The following SORT1 variants were observed in gnomAD, a reference collection of about 807,000 sequenced individuals.
SORT1 encodes sortilin.
A neutral mutation model predicts 101.7 loss-of-function variants in SORT1; 39 were observed. The observed-to-expected ratio is 0.38, with a 90% CI of 0.30 to 0.50. SORT1 has a LOEUF of 0.50. Among genes scored for constraint, SORT1 ranks in the 20% least tolerant of loss-of-function variants. The probability of loss-of-function intolerance (pLI) is 0.90; values close to 1 mark genes in which losing one functional copy is unlikely to be tolerated. For missense variants in SORT1, 878 were observed against 1,040.4 expected (o/e 0.84, Z 2.15); for synonymous variants, 396 against 393.7 (o/e 1.01, Z -0.07).
chr1:109,373,533 C>A (rs1177721704), intron 1 of SORT1, among the ~76,000 whole-genome samples: 1 of 152,010 alleles, frequency 6.6e-6, no homozygotes, highest in Admixed American at 6.6e-5. Flanking sequence ...ATTCCTGTTA[C>A]CAGCAACCAT....
In SORT1 at chr1:109,397,896, C is replaced by T. The variant is rs1400305039; in HGVS notation, c.-4G>A. 1 of 1,152,746 alleles carries T rather than the reference C, an allele frequency of 8.7e-7. No homozygotes were observed. Among genetic ancestry groups the T allele is most frequent in the Non-Finnish European group, 1.1e-6 (1 of 939,150 alleles). 71.4% of individuals were successfully genotyped at this position (1,152,746 alleles called of 1,614,324 possible). On this transcript the variant is annotated 5_prime_UTR_variant, in exon 1 of 20. Coordinates refer to ENST00000256637, the MANE Select transcript of SORT1 (RefSeq NM_002959.7). ...CAGCTCCCCAGGGCCGCTCCATCGC[C>T]GCCGAATGCCGCCGACGCCGACACC...
intron 11 of SORT1, among the ~76,000 whole-genome samples, chr1:109,328,267 T>C (rs1040891089): frequency 2.0e-5 from 3 of 152,260 alleles, no homozygotes; most frequent in African/African-American, 4.8e-5. Context: ...AGAAGTGGAA[T>C]TGCTGGATAT....
intron 11 of SORT1, among the ~76,000 whole-genome samples, chr1:109,332,166 A>T (rs1047520962): frequency 5.9e-5 from 9 of 152,040 alleles, no homozygotes; most frequent in African/African-American, 2.2e-4. Flanking sequence ...GTCTTTTTTT[A>T]CTATTATATG....
chr1:109,334,326 G>A (rs1194815871), intron 11 of SORT1, among the ~76,000 whole-genome samples: 1 of 152,042 alleles, frequency 6.6e-6, no homozygotes, highest in Non-Finnish European at 1.5e-5. Context: ...ATGGATGAAT[G>A]GACAAAGAAA....
chr1:109,342,214 G>T, intron 8 of SORT1, 56 bp from the exon 9 acceptor site: 1 of 1,348,118 alleles, frequency 7.4e-7, no homozygotes, highest in Non-Finnish European at 1.1e-6. Flanking sequence ...GCCATGGGCA[G>T]GGACATGAAC....
intron 1 of SORT1, among the ~76,000 whole-genome samples, chr1:109,380,375 A>C (rs1296345747): frequency 2.0e-5 from 3 of 152,202 alleles, no homozygotes; most frequent in African/African-American, 7.2e-5. Context: ...CAAAAATCAG[A>C]ACTCATACTT....
At chr1:109,362,739 T>C (rs183597060) in intron 3 of SORT1, among the ~76,000 whole-genome samples, 3 of 152,132 alleles carry the variant, frequency 2.0e-5, no homozygotes, top group Admixed American at 1.3e-4. Flanking sequence ...ACTTTACGTG[T>C]ATAGAAGTGA....
At chr1:109,315,814 G>A (rs982652142) in intron 17 of SORT1, among the ~76,000 whole-genome samples, 2 of 146,536 alleles carry the variant, frequency 1.4e-5, no homozygotes, top group African/African-American at 2.5e-5. Context: ...CTGGAGTGCA[G>A]TGATATGATC....
intron 1 of SORT1, chr1:109,392,719 G>C (rs1652983899): frequency 1.0e-6 from 1 of 984,588 alleles, no homozygotes; most frequent in African/African-American, 1.7e-5. Flanking sequence ...CAAATCTGCT[G>C]ATACTTCTTA....
intron 11 of SORT1, among the ~76,000 whole-genome samples, chr1:109,328,477 G>C (rs751256392): frequency 2.1e-4 from 32 of 152,284 alleles, no homozygotes; most frequent in Non-Finnish European, 2.2e-4. Context: ...CTAATGATTA[G>C]TGATGCTGAG....
rs77985012 is a variant in SORT1, at chr1:109,383,948, A to G, written c.306+13639T>C. ...CAAATTTTATTTCCAGCTCTACAAA[A>G]CGCTGCGTGAAATTGGGCAGCACAA... is the stretch of plus-strand genomic sequence containing the variant. On this transcript the variant is annotated intron_variant, in intron 1 of 19. Transcript: ENST00000256637. Among the ~76,000 whole-genome samples, 556 of 152,256 alleles carry G rather than the reference A, an allele frequency of 3.7e-3. 21 individuals carry two copies. In the East Asian group the frequency reaches 0.06, roughly 17 times the overall value.
chr1:109,389,120 T>A (rs1652751099), intron 1 of SORT1, among the ~76,000 whole-genome samples: 1 of 152,224 alleles, frequency 6.6e-6, no homozygotes, highest in Admixed American at 6.5e-5. Context: ...GGGCTGTATC[T>A]ATCAGGATCA....
At chr1:109,381,493 A>C (rs1221573855) in intron 1 of SORT1, among the ~76,000 whole-genome samples, 2 of 152,258 alleles carry the variant, frequency 1.3e-5, no homozygotes, top group Non-Finnish European at 2.9e-5. Flanking sequence ...GTATTTACTG[A>C]CATTGAAAGA....
chr1:109,312,859 G>C lies in SORT1; in HGVS notation c.*1184C>G, dbSNP rs778078223. The C allele has an allele frequency of 2.6e-5, 4 of 152,184 alleles. No individual in the cohort carries two copies. Among genetic ancestry groups the C allele is most frequent in the African/African-American group, 4.8e-5 (2 of 41,442 alleles). 9.4% of individuals were successfully genotyped at this position (152,184 alleles called of 1,614,324 possible). ...ACAAAGCATCATCTAGACTGGAAGT[G>C]TGTTTTCAATTGGTTCCTCCAAAAT... On this transcript the variant is annotated 3_prime_UTR_variant, in exon 20 of 20. Transcript: ENST00000256637.
At chr1:109,319,132 C>T (rs1647447559) in intron 15 of SORT1, among the ~76,000 whole-genome samples, 1 of 152,176 alleles carries the variant, frequency 6.6e-6, no homozygotes, top group Admixed American at 6.5e-5. Context: ...TTGCAGTACA[C>T]GGCAAATTTT....
intron 1 of SORT1, among the ~76,000 whole-genome samples, chr1:109,372,049 G>C (rs535556566): frequency 6.6e-6 from 1 of 152,304 alleles, no homozygotes; most frequent in African/African-American, 2.4e-5. Flanking sequence ...ATCCAGGAGA[G>C]CTAGGGACCC....
intron 9 of SORT1, among the ~76,000 whole-genome samples, chr1:109,341,411 A>C (rs922161582): frequency 4.6e-5 from 7 of 151,856 alleles, no homozygotes; most frequent in African/African-American, 1.4e-4. Flanking sequence ...CAGTGGCACG[A>C]TCTCAGCTCA....
intron 1 of SORT1, among the ~76,000 whole-genome samples, chr1:109,377,735 A>T (rs1011910378): frequency 5.1e-4 from 77 of 152,242 alleles, no homozygotes; most frequent in African/African-American, 1.8e-3. Flanking sequence ...CTGAGATTTA[A>T]GCAGAGTTTA....
chr1:109,377,614 A>T (rs1651945846), intron 1 of SORT1, among the ~76,000 whole-genome samples: 1 of 152,192 alleles, frequency 6.6e-6, no homozygotes, highest in South Asian at 2.1e-4. Flanking sequence ...CACGTAGCTA[A>T]ACATTGGTAA....
Sources: allele counts gnomAD v4.1 joint callset (sites outside exome capture counted in the v4.1 genomes callset), GRCh38; gene constraint gnomAD v4.1.1; transcripts MANE v1.5; gene names NCBI Gene and HGNC (gene_info 2026-07-23, HGNC 2026-07-21).